Variants in ROBO2 observed in about 807,000 individuals in gnomAD.
ROBO2 encodes roundabout guidance receptor 2, also known as roundabout homolog 2.
Under a neutral mutation model 160.8 loss-of-function variants are expected in ROBO2, and 53 were observed. The ratio of observed to expected loss-of-function variants is 0.33; its 90% CI spans 0.26 to 0.41. The LOEUF is 0.41. Among genes scored for constraint, ROBO2 ranks in the 10% least tolerant of loss-of-function variants. ROBO2 has a pLI of 1.00. For missense variants in ROBO2, 1,577 were observed against 1,722.4 expected, an observed-to-expected ratio of 0.92 and a Z score of 1.49; for synonymous variants, 664 against 611.7, an observed-to-expected ratio of 1.09 and a Z score of -1.26.
At chr3:76,393,470 G>A (rs1387457740) in intron 2 of ROBO2, among the ~76,000 whole-genome samples, 1 of 152,134 alleles carries the variant, frequency 6.6e-6, no homozygotes, top group African/African-American at 2.4e-5. Flanking sequence ...AAATAGCATT[G>A]TAAGGAAATT....
chr3:76,025,696 T>G (rs1263295700), intron 2 of ROBO2, among the ~76,000 whole-genome samples: 1 of 151,790 alleles, frequency 6.6e-6, no homozygotes, highest in East Asian at 1.9e-4. Context: ...AAAGCCCACA[T>G]TAAGCGTGTC....
At chr3:77,111,125 T>C (rs991259347) in intron 2 of ROBO2, among the ~76,000 whole-genome samples, 1 of 152,306 alleles carries the variant, frequency 6.6e-6, no homozygotes, top group African/African-American at 2.4e-5. Context: ...CTTTAATTCT[T>C]TTAAAGATCT....
intron 3 of ROBO2, 65 bp downstream of exon 3, chr3:77,477,636 G>C: frequency 4.2e-6 from 6 of 1,432,070 alleles, no homozygotes; most frequent in Non-Finnish European, 4.9e-6. Flanking sequence ...CAAAATAGAT[G>C]TATTTTATTC....
intron 2 of ROBO2, among the ~76,000 whole-genome samples, chr3:76,550,312 C>G (rs2083338213): frequency 1.4e-5 from 2 of 146,484 alleles, no homozygotes; most frequent in Admixed American, 1.4e-4. Flanking sequence ...ATAATGCCTT[C>G]TAAATATTTC....
At chr3:76,209,896 A>G (rs1703035529) in intron 2 of ROBO2, among the ~76,000 whole-genome samples, 1 of 152,114 alleles carries the variant, frequency 6.6e-6, no homozygotes, top group Admixed American at 6.6e-5. Context: ...GGCATTGAAG[A>G]GGTGACATGA....
At chr3:77,447,927 T>C (rs1458536501) in intron 2 of ROBO2, among the ~76,000 whole-genome samples, 1 of 152,146 alleles carries the variant, frequency 6.6e-6, no homozygotes, top group Admixed American at 6.6e-5. Context: ...AACTGTTGAA[T>C]ATAAACTCTT....
chr3:76,353,404 T>A (rs973792810), intron 2 of ROBO2, among the ~76,000 whole-genome samples: 2 of 152,078 alleles, frequency 1.3e-5, no homozygotes, highest in Non-Finnish European at 2.9e-5. Flanking sequence ...AAAATTAATA[T>A]CCCATTTCTC....
Position 76,507,797 on chromosome 3 carries a change from G to C in ROBO2, c.109+570195G>C, listed in dbSNP as rs77427267. Among the ~76,000 whole-genome samples, 436 of 152,138 alleles carry C rather than the reference G, an allele frequency of 2.9e-3. 4 individuals carry two copies. Among genetic ancestry groups the C allele is most frequent in the African/African-American group, 9.8e-3 (409 of 41,530 alleles). On this transcript the variant is annotated intron_variant, in intron 2 of 26. Coordinates refer to the ROBO2 transcript ENST00000487694. ...CATGATAAAAACACGATCCTAGTCT[G>C]GTTCTACAATCCGTTCTTTCTACCA...
At chr3:76,186,604 A>G (rs763990071) in intron 2 of ROBO2, among the ~76,000 whole-genome samples, 119 of 152,040 alleles carry the variant, frequency 7.8e-4, no homozygotes, top group Middle Eastern at 6.8e-3. Flanking sequence ...CTTCAGTGTC[A>G]TTTGCCTCCC....
intron 2 of ROBO2, among the ~76,000 whole-genome samples, chr3:76,784,240 G>A (rs1014151864): frequency 6.6e-6 from 1 of 151,090 alleles, no homozygotes; most frequent in East Asian, 2.0e-4. Flanking sequence ...TTCTCTAGTT[G>A]TTACTGACTG....
At chr3:77,155,073 A>AAAT (rs1016984708) in intron 2 of ROBO2, among the ~76,000 whole-genome samples, 3 of 151,880 alleles carry the variant, frequency 2.0e-5, no homozygotes, top group Non-Finnish European at 2.9e-5. Context: ...ATAAATAAAT[A>AAAT]AATAAATAAA....
At chr3:76,768,897 C>A (rs1428715433) in intron 2 of ROBO2, among the ~76,000 whole-genome samples, 1 of 151,326 alleles carries the variant, frequency 6.6e-6, no homozygotes, top group African/African-American at 2.4e-5. Context: ...AGAAAATTGT[C>A]TATTTAATGT....
chr3:76,127,547 A>C (rs2071036741), intron 2 of ROBO2, among the ~76,000 whole-genome samples: 1 of 151,908 alleles, frequency 6.6e-6, no homozygotes, highest in African/African-American at 2.4e-5. Flanking sequence ...AATGAATATT[A>C]ATTATCTTAC....
At chr3:76,523,523 A>G (rs1420324174) in intron 2 of ROBO2, among the ~76,000 whole-genome samples, 3 of 152,122 alleles carry the variant, frequency 2.0e-5, no homozygotes, top group Admixed American at 6.6e-5. Flanking sequence ...GCCACCTGCC[A>G]TCTCCACAGC....
At chr3:77,472,610 C>A (rs2083468262) in intron 2 of ROBO2, among the ~76,000 whole-genome samples, 1 of 152,144 alleles carries the variant, frequency 6.6e-6, no homozygotes, top group African/African-American at 2.4e-5. Flanking sequence ...TAGCCAATTA[C>A]ATATCCCCCC....
At chr3:77,119,798 A>G (rs1460704325) in intron 2 of ROBO2, among the ~76,000 whole-genome samples, 1 of 152,236 alleles carries the variant, frequency 6.6e-6, no homozygotes, top group Non-Finnish European at 1.5e-5. Flanking sequence ...CTGGACTGGC[A>G]GTCTAAGAGT....
At chr3:76,311,819 A>G (rs1232517157) in intron 2 of ROBO2, among the ~76,000 whole-genome samples, 1 of 152,206 alleles carries the variant, frequency 6.6e-6, no homozygotes, top group East Asian at 1.9e-4. Context: ...GAGAAAGGGC[A>G]TGTTATGAAA....
chr3:76,543,219 G>A (rs545224443), intron 2 of ROBO2, among the ~76,000 whole-genome samples: 1 of 152,170 alleles, frequency 6.6e-6, no homozygotes, highest in African/African-American at 2.4e-5. Context: ...GTTATGGACT[G>A]AATTGTGTTG....
chr3:77,408,038 T>C (rs1290474052), intron 2 of ROBO2, among the ~76,000 whole-genome samples: 1 of 151,800 alleles, frequency 6.6e-6, no homozygotes, highest in Admixed American at 6.6e-5. Flanking sequence ...GATTTCTCAA[T>C]ATATTATGCA....
Sources: gnomAD v4.1 joint callset for allele counts (sites outside exome capture counted in the v4.1 genomes callset) on GRCh38, gnomAD v4.1.1 for gene constraint, MANE v1.5 for transcripts, NCBI Gene and HGNC (gene_info 2026-07-23, HGNC 2026-07-21) for gene names.